Variants in DSCAM observed in about 807,000 individuals in gnomAD.
DSCAM encodes cell adhesion molecule DSCAM.
A neutral mutation model predicts 217.7 loss-of-function variants in DSCAM; 47 were observed. The ratio of observed to expected loss-of-function variants is 0.22; its 90% CI spans 0.17 to 0.28. The LOEUF is 0.28. Among genes scored for constraint, DSCAM ranks in the 10% least tolerant of loss-of-function variants. The pLI, the probability that DSCAM is intolerant of heterozygous loss-of-function variation, is 1.00. For missense variants in DSCAM, 2,080 were observed against 2,618.3 expected, an observed-to-expected ratio of 0.79 and a Z score of 4.49; for synonymous variants, 1,056 against 1,015.3, an observed-to-expected ratio of 1.04 and a Z score of -0.76.
At chr21:40,072,993 C>T (rs1422554451) in intron 27 of DSCAM, among the ~76,000 whole-genome samples, 1 of 152,144 alleles carries the variant, frequency 6.6e-6, no homozygotes, top group Non-Finnish European at 1.5e-5. Context: ...AGGATGTTTT[C>T]TGGAGATAGC....
chr21:40,528,597 A>G (rs1327320926), intron 3 of DSCAM, among the ~76,000 whole-genome samples: 2 of 152,114 alleles, frequency 1.3e-5, no homozygotes, highest in Non-Finnish European at 2.9e-5. Context: ...ATAGTCTCAT[A>G]CTGTTGGTAA....
chr21:40,759,948 G>A (rs1392266507), intron 1 of DSCAM, among the ~76,000 whole-genome samples: 1 of 150,300 alleles, frequency 6.7e-6, no homozygotes, highest in Non-Finnish European at 1.5e-5. Context: ...AGCTGTATTG[G>A]ATACGTTTAC....
intron 20 of DSCAM, among the ~76,000 whole-genome samples, chr21:40,118,837 C>G (rs572075941): frequency 3.9e-4 from 60 of 152,304 alleles, no homozygotes; most frequent in Non-Finnish European, 5.1e-4. Flanking sequence ...TCACATCACA[C>G]AGAAGGGTGA....
intron 6 of DSCAM, among the ~76,000 whole-genome samples, chr21:40,342,599 A>G (rs2074505121): frequency 7.4e-6 from 1 of 134,858 alleles, no homozygotes; most frequent in Non-Finnish European, 1.5e-5. Flanking sequence ...AGGTACATAT[A>G]GTATGTGTAT....
intron 3 of DSCAM, among the ~76,000 whole-genome samples, chr21:40,434,607 A>C (rs2075566452): frequency 6.6e-6 from 1 of 152,162 alleles, no homozygotes; most frequent in Admixed American, 6.5e-5. Context: ...AATTTTCCTA[A>C]TCAGGCCATC....
intron 1 of DSCAM, among the ~76,000 whole-genome samples, chr21:40,837,182 C>A (rs2092064013): frequency 6.6e-6 from 1 of 152,214 alleles, no homozygotes; most frequent in South Asian, 2.1e-4. Context: ...GCCTCTTCCT[C>A]CATATTCAGT....
chr21:40,311,594 G>GC (rs2074138136), intron 9 of DSCAM, among the ~76,000 whole-genome samples: 1 of 152,156 alleles, frequency 6.6e-6, no homozygotes, highest in Non-Finnish European at 1.5e-5. Context: ...AAATAGAATA[G>GC]ATGGGCAAAG....
At chr21:40,072,874 G>T (rs2089316276) in intron 27 of DSCAM, among the ~76,000 whole-genome samples, 1 of 152,170 alleles carries the variant, frequency 6.6e-6, no homozygotes, top group African/African-American at 2.4e-5. Flanking sequence ...TATTTCCGGA[G>T]AATGAAAGGC....
At chr21:40,519,814 CT>C (rs1300723811) in intron 3 of DSCAM, among the ~76,000 whole-genome samples, 1 of 151,652 alleles carries the variant, frequency 6.6e-6, no homozygotes, top group East Asian at 1.9e-4. Flanking sequence ...GGGCCAATTT[CT>C]TTAAGTCTCT....
chr21:40,431,793 G>A (rs182506372), intron 3 of DSCAM, among the ~76,000 whole-genome samples: 4 of 152,328 alleles, frequency 2.6e-5, no homozygotes, highest in Admixed American at 2.0e-4. Context: ...TGAGCAGTCA[G>A]TACCCCAACT....
intron 2 of DSCAM, among the ~76,000 whole-genome samples, chr21:40,704,146 CA>C (rs1470847448): frequency 6.6e-6 from 1 of 152,116 alleles, no homozygotes; most frequent in Non-Finnish European, 1.5e-5. Flanking sequence ...AGAACAGTTT[CA>C]CTGCCCTAAA....
intron 3 of DSCAM, among the ~76,000 whole-genome samples, chr21:40,604,136 T>A (rs1182468965): frequency 6.6e-6 from 1 of 152,130 alleles, no homozygotes. Flanking sequence ...TCATTTTTTT[T>A]CTCTTTGCAT....
intron 11 of DSCAM, among the ~76,000 whole-genome samples, chr21:40,249,561 A>G (rs1220602643): frequency 6.6e-6 from 1 of 152,198 alleles, no homozygotes; most frequent in Non-Finnish European, 1.5e-5. Flanking sequence ...ACATTAGCGT[A>G]GAAATATATT....
chr21:40,774,829 A>T (rs918286960), intron 1 of DSCAM, among the ~76,000 whole-genome samples: 1 of 151,716 alleles, frequency 6.6e-6, no homozygotes, highest in Admixed American at 6.6e-5. Flanking sequence ...TTCAACAAAG[A>T]TCTCCTGAAT....
chr21:40,465,081 G>C (rs1026578466), intron 3 of DSCAM, among the ~76,000 whole-genome samples: 1 of 152,130 alleles, frequency 6.6e-6, no homozygotes, highest in Non-Finnish European at 1.5e-5. Context: ...GTTTTCGTCT[G>C]TTTAAAATGC....
At chr21:40,443,079 C>T (rs1361355432) in intron 3 of DSCAM, among the ~76,000 whole-genome samples, 1 of 152,178 alleles carries the variant, frequency 6.6e-6, no homozygotes, top group Admixed American at 6.5e-5. Flanking sequence ...GTTATGTTTG[C>T]TCTCACACCT....
Position 40,309,722 on chromosome 21 carries a change from T to C in DSCAM, c.2062+2359A>G, listed in dbSNP as rs116664691. Among the ~76,000 whole-genome samples the C allele has an allele frequency of 7.7e-3, 1,176 of 152,312 alleles. 14 individuals carry two copies. Among genetic ancestry groups the C allele is most frequent in the African/African-American group, 0.027 (1,130 of 41,568 alleles). On this transcript the variant is annotated intron_variant, in intron 9 of 32. Coordinates refer to ENST00000400454, the MANE Select transcript of DSCAM (RefSeq NM_001389.5). ...ATTTGCAACATTCACTCCATAAGCG[T>C]GTTTTATTTGCTTTACCGCCAAAAT...
chr21:40,337,407 T>C (rs1179629659), intron 8 of DSCAM, among the ~76,000 whole-genome samples: 2 of 152,242 alleles, frequency 1.3e-5, no homozygotes, highest in South Asian at 2.1e-4. Context: ...CTCAGGAAAC[T>C]GACTTGTAGA....
intron 1 of DSCAM, among the ~76,000 whole-genome samples, chr21:40,789,863 A>G (rs2091625341): frequency 6.6e-6 from 1 of 152,054 alleles, no homozygotes; most frequent in African/African-American, 2.4e-5. Flanking sequence ...CCTCTGCTGT[A>G]TTTCTTAAAG....
Sources: allele counts gnomAD v4.1 joint callset (sites outside exome capture counted in the v4.1 genomes callset), GRCh38; gene constraint gnomAD v4.1.1; transcripts MANE v1.5; gene names NCBI Gene and HGNC (gene_info 2026-07-23, HGNC 2026-07-21).